Variants in IFT81 observed in about 807,000 individuals in gnomAD.
The protein encoded by IFT81 is intraflagellar transport protein 81 homolog.
Under a neutral mutation model 102.6 loss-of-function variants are expected in IFT81, and 72 were observed. That is an observed-to-expected ratio of 0.70 (90% CI 0.58 to 0.85). The LOEUF (loss-of-function observed/expected upper bound fraction) is 0.85, where lower values mean the gene tolerates loss of function less well. Ranked by LOEUF, IFT81 falls within the 40% of genes least tolerant of loss-of-function variation. IFT81 has a pLI of 0.00. For synonymous variants in IFT81, 237 were observed against 242.7 expected, an observed-to-expected ratio of 0.98 and a Z score of 0.22; for missense variants, 723 against 787.3, an observed-to-expected ratio of 0.92 and a Z score of 0.98.
At chr12:110,142,860 G>C (rs1213474512) in intron 8 of IFT81, among the ~76,000 whole-genome samples, 5 of 151,984 alleles carry the variant, frequency 3.3e-5, no homozygotes, top group African/African-American at 1.2e-4. Flanking sequence ...CTGAGATAGT[G>C]CCACTACACT....
At chr12:110,197,873 C>T (rs1191150725) in intron 14 of IFT81, among the ~76,000 whole-genome samples, 2 of 151,936 alleles carry the variant, frequency 1.3e-5, no homozygotes, top group Non-Finnish European at 2.9e-5. Flanking sequence ...CCACCACACC[C>T]GGCTAATTTT....
chr12:110,167,249 C>A (rs529944443), intron 11 of IFT81, among the ~76,000 whole-genome samples: 33 of 152,232 alleles, frequency 2.2e-4, no homozygotes, highest in Non-Finnish European at 4.0e-4. Context: ...TGTACTTTAT[C>A]ATTTTAACAT....
At chr12:110,202,563 C>G (rs1898346576) in intron 14 of IFT81, among the ~76,000 whole-genome samples, 1 of 151,878 alleles carries the variant, frequency 6.6e-6, no homozygotes, top group Non-Finnish European at 1.5e-5. Flanking sequence ...AGTGATTCTC[C>G]TGCCTCAGCC....
intron 18 of IFT81, chr12:110,216,491 A>C (rs1445134928): frequency 2.2e-6 from 1 of 450,508 alleles, no homozygotes; most frequent in Admixed American, 2.4e-5. Context: ...CACCGTGCCC[A>C]GCCCCCAGCC....
At chr12:110,128,925 T>TTGTGTA (rs1433251502) in intron 3 of IFT81, 25 bp from the exon 4 acceptor site, 2 of 1,590,796 alleles carry the variant, frequency 1.3e-6, no homozygotes, top group African/African-American at 1.4e-5. Flanking sequence ...GCGTGTGTGT[T>TTGTGTA]TGTGTATGTG....
chr12:110,182,845 A>G (rs148544337), intron 12 of IFT81, among the ~76,000 whole-genome samples: 1 of 152,314 alleles, frequency 6.6e-6, no homozygotes, highest in African/African-American at 2.4e-5. Context: ...ATAATTCCCT[A>G]AAGTGGATCA....
intron 12 of IFT81, among the ~76,000 whole-genome samples, chr12:110,190,352 C>T (rs779318436): frequency 6.6e-6 from 1 of 152,184 alleles, no homozygotes; most frequent in Non-Finnish European, 1.5e-5. Context: ...TCCCTCACTT[C>T]CTACGGGGCT....
intron 14 of IFT81, among the ~76,000 whole-genome samples, chr12:110,193,176 C>G (rs1233941004): frequency 1.3e-5 from 2 of 151,906 alleles, no homozygotes; most frequent in South Asian, 2.1e-4. Flanking sequence ...CCCCTCCCCC[C>G]AAAAATGACT....
At chr12:110,147,797 A>G (rs1895309210) in intron 10 of IFT81, among the ~76,000 whole-genome samples, 1 of 152,216 alleles carries the variant, frequency 6.6e-6, no homozygotes, top group Non-Finnish European at 1.5e-5. Context: ...AACCCCAACT[A>G]TATTATTTTG....
chr12:110,180,340 A>T, intron 11 of IFT81, 82 bp from the exon 12 acceptor site: 1 of 737,472 alleles, frequency 1.4e-6, no homozygotes. Context: ...AAAAAATGTG[A>T]ATATATTGAG....
At chr12:110,181,067 G>C (rs1282773966) in intron 12 of IFT81, among the ~76,000 whole-genome samples, 1 of 152,130 alleles carries the variant, frequency 6.6e-6, no homozygotes, top group Non-Finnish European at 1.5e-5. Flanking sequence ...CATTGTGGAT[G>C]CCAGTTCCTC....
chr12:110,166,543 A>T (rs1896445522), intron 11 of IFT81, among the ~76,000 whole-genome samples: 1 of 152,064 alleles, frequency 6.6e-6, no homozygotes, highest in African/African-American at 2.4e-5. Context: ...GTTATCTCAC[A>T]ATATACCCTA....
chr12:110,173,469 A>G (rs1478201679), intron 11 of IFT81, among the ~76,000 whole-genome samples: 1 of 152,254 alleles, frequency 6.6e-6, no homozygotes, highest in Non-Finnish European at 1.5e-5. Context: ...GGTGTGCCCA[A>G]CAGCTCATTG....
chr12:110,145,483 G>A lies in IFT81; in HGVS notation c.946-1470G>A, dbSNP rs1895168736. Among the ~76,000 whole-genome samples, 3 of 150,176 alleles carry A rather than the reference G, an allele frequency of 2.0e-5. No homozygotes were observed. The South Asian group carries it at 6.3e-4, about 31-fold the overall frequency. The stretch of plus-strand genomic sequence containing the variant: ...AGATGGAGTGTAGCTCTGTTGCCCA[G>A]GCTGGAGTACAGTGGCGTGATCCCG... On this transcript the variant is annotated intron_variant, in intron 9 of 18. Coordinates refer to ENST00000242591, the MANE Select transcript of IFT81 (RefSeq NM_014055.4).
At chr12:110,185,546 A>G (rs978240788) in intron 12 of IFT81, among the ~76,000 whole-genome samples, 19 of 151,830 alleles carry the variant, frequency 1.3e-4, no homozygotes, top group African/African-American at 4.3e-4. Context: ...AACCTAAAAC[A>G]CTTTAACTTT....
intron 10 of IFT81, among the ~76,000 whole-genome samples, chr12:110,159,826 T>C (rs1896043399): frequency 6.6e-6 from 1 of 152,166 alleles, no homozygotes; most frequent in Non-Finnish European, 1.5e-5. Flanking sequence ...CAGGAACATG[T>C]GTTTGGGGCT....
chr12:110,163,144 T>G (rs1218317097), intron 11 of IFT81, 79 bp downstream of exon 11: 4 of 1,108,142 alleles, frequency 3.6e-6, no homozygotes, highest in Non-Finnish European at 5.1e-6. Context: ...ACTTTCTTAG[T>G]GTGAATGTTA....
intron 14 of IFT81, among the ~76,000 whole-genome samples, chr12:110,202,292 T>A (rs760416575): frequency 3.9e-5 from 6 of 152,226 alleles, no homozygotes; most frequent in Non-Finnish European, 8.8e-5. Flanking sequence ...GACTGTACTT[T>A]TAGCATTTCT....
chr12:110,128,165 C>G lies in IFT81; in HGVS notation c.248+16C>G. ...CCACAGATATGTAAGAATCTGATCA[C>G]GTATTGAGTTTTTAAAATTATGCTT... is the stretch of plus-strand genomic sequence containing the variant. On this transcript the variant is annotated intron_variant, in intron 3 of 18. Transcript: ENST00000242591. The G allele has an allele frequency of 1.3e-6, 2 of 1,487,518 alleles. No homozygotes were observed. The highest frequency in any genetic ancestry group is 1.9e-6 in the Non-Finnish European group (2 of 1,066,770). The allele number at this position is 1,487,518 out of a possible 1,614,324, so 92.1% of individuals were successfully genotyped here.
Sources: gnomAD v4.1 joint callset for allele counts (sites outside exome capture counted in the v4.1 genomes callset) on GRCh38, gnomAD v4.1.1 for gene constraint, MANE v1.5 for transcripts, NCBI Gene and HGNC (gene_info 2026-07-23, HGNC 2026-07-21) for gene names.